Variants in EPHA7 observed in about 807,000 individuals in gnomAD.
EPHA7 encodes the protein EPH receptor A7.
In EPHA7, 25 loss-of-function variants were observed where a neutral mutation model predicts 112.6. The observed-to-expected ratio is 0.22, with a 90% confidence interval of 0.16 to 0.31. The LOEUF (loss-of-function observed/expected upper bound fraction) is 0.31, where lower values mean the gene tolerates loss of function less well. Ranked by LOEUF, EPHA7 falls within the 10% of genes least tolerant of loss-of-function variation. The pLI is 1.00. For synonymous variants in EPHA7, 437 were observed against 406.5 expected, an observed-to-expected ratio of 1.07 and a Z score of -0.90; for missense variants, 962 against 1,212.6, an observed-to-expected ratio of 0.79 and a Z score of 3.07.
chr6:93,394,674 T>C (rs913467356), intron 3 of EPHA7, among the ~76,000 whole-genome samples: 2 of 151,814 alleles, frequency 1.3e-5, no homozygotes, highest in Non-Finnish European at 2.9e-5. Context: ...TAAACAAGAC[T>C]GATGAGGTGA....
At position 93,331,796 on chromosome 6, in the gene EPHA7, T is replaced by A. The variant is rs192191140; in HGVS notation, c.1324+24921A>T. Among the ~76,000 whole-genome samples the A allele has an allele frequency of 2.6e-5, 4 of 151,708 alleles. No individual in the cohort carries two copies. In the Admixed American group the frequency reaches 2.6e-4, roughly 10 times the overall value. ...AATTAATTATTTCTTCAAAGATACG[T>A]ACTTTCTATTTTTCAGCTACTATTG... On this transcript the variant is annotated intron_variant, in intron 5 of 16. Coordinates refer to ENST00000369303, the MANE Select transcript of EPHA7 (RefSeq NM_004440.4).
chr6:93,405,017 T>A (rs1778626267), intron 3 of EPHA7, among the ~76,000 whole-genome samples: 1 of 151,900 alleles, frequency 6.6e-6, no homozygotes, highest in African/African-American at 2.4e-5. Flanking sequence ...TTATATAAGC[T>A]ACCTGGTTAC....
At chr6:93,302,968 C>G (rs550637597) in intron 5 of EPHA7, among the ~76,000 whole-genome samples, 25 of 152,144 alleles carry the variant, frequency 1.6e-4, no homozygotes, top group African/African-American at 5.8e-4. Flanking sequence ...GATAAGGTAG[C>G]CTGGGAAACA....
At chr6:93,333,129 T>C (rs1194936670) in intron 5 of EPHA7, among the ~76,000 whole-genome samples, 1 of 151,852 alleles carries the variant, frequency 6.6e-6, no homozygotes, top group Non-Finnish European at 1.5e-5. Flanking sequence ...AGTGAGAACA[T>C]GTACCATTTG....
intron 5 of EPHA7, among the ~76,000 whole-genome samples, chr6:93,304,766 C>T (rs1231330163): frequency 1.3e-5 from 2 of 152,070 alleles, no homozygotes; most frequent in African/African-American, 4.8e-5. Flanking sequence ...ACTGCCTACT[C>T]TCTTTCTCTT....
intron 5 of EPHA7, among the ~76,000 whole-genome samples, chr6:93,343,074 T>C (rs1477916636): frequency 6.6e-6 from 1 of 151,746 alleles, no homozygotes; most frequent in Non-Finnish European, 1.5e-5. Flanking sequence ...ATAATACTGA[T>C]CTACAACAGT....
chr6:93,390,346 A>T (rs530858880), intron 3 of EPHA7, among the ~76,000 whole-genome samples: 2 of 152,026 alleles, frequency 1.3e-5, no homozygotes, highest in African/African-American at 4.8e-5. Context: ...GAAAAAAATC[A>T]GCCATAAAAA....
chr6:93,326,184 G>C (rs897398429), intron 5 of EPHA7, among the ~76,000 whole-genome samples: 2 of 151,352 alleles, frequency 1.3e-5, no homozygotes, highest in East Asian at 1.9e-4. Context: ...ATTAAAATCT[G>C]TCTCTCCCTA....
At chr6:93,397,936 CATATA>C (rs776622223) in intron 3 of EPHA7, among the ~76,000 whole-genome samples, 36 of 151,992 alleles carry the variant, frequency 2.4e-4, no homozygotes, top group South Asian at 1.0e-3. Flanking sequence ...CAGCTTGTAA[CATATA>C]AGCTTAAATG....
In EPHA7 at chr6:93,358,352, T is replaced by G. The variant is rs776903613; in HGVS notation, c.892A>C (p.Thr298Pro). The part of the protein sequence containing the change: ...SQDLQCSRCP[T>P]HSFSDKEGSS... ...CCTTCTTTATCAGAAAAACTGTGAG[T>G]TGGACAACGAGAGCACTGAAGATCT... Residue 298 changes from threonine to proline, a missense_variant, in exon 4 of 17, where the codon ACT (threonine) becomes CCT (proline). By Grantham distance (38) the Thr-to-Pro change is conservative. Coordinates refer to ENST00000369303, the MANE Select transcript of EPHA7 (RefSeq NM_004440.4). 2 of 1,613,052 alleles carry G rather than the reference T, an allele frequency of 1.2e-6. No homozygotes were observed. Among genetic ancestry groups the G allele is most frequent in the Non-Finnish European group, 1.7e-6 (2 of 1,179,532 alleles).
At chr6:93,379,626 T>G (rs1777235686) in intron 3 of EPHA7, among the ~76,000 whole-genome samples, 2 of 152,098 alleles carry the variant, frequency 1.3e-5, no homozygotes, top group South Asian at 4.1e-4. Flanking sequence ...ATACGGCCAG[T>G]GATTATACAA....
intron 5 of EPHA7, among the ~76,000 whole-genome samples, chr6:93,325,442 T>C (rs1216891311): frequency 1.3e-5 from 2 of 151,248 alleles, no homozygotes; most frequent in Admixed American, 6.6e-5. Flanking sequence ...AAAATAAATA[T>C]CTTCTATGAT....
At chr6:93,319,456 A>G (rs1274776295) in intron 5 of EPHA7, among the ~76,000 whole-genome samples, 2 of 152,114 alleles carry the variant, frequency 1.3e-5, no homozygotes, top group Non-Finnish European at 2.9e-5. Flanking sequence ...CCTGGAATAC[A>G]TGAATGAGGG....
chr6:93,263,022 G>A (rs1284894578), intron 9 of EPHA7, among the ~76,000 whole-genome samples: 1 of 151,264 alleles, frequency 6.6e-6, no homozygotes, highest in Non-Finnish European at 1.5e-5. Context: ...ATCTACACAT[G>A]AGAACATTTG....
intron 13 of EPHA7, 31 bp downstream of exon 13, chr6:93,255,797 T>C (rs890597072): frequency 6.4e-7 from 1 of 1,559,290 alleles, no homozygotes; most frequent in Non-Finnish European, 8.8e-7. Context: ...CTTAAGAATA[T>C]GAAGAAGTGC....
intron 14 of EPHA7, among the ~76,000 whole-genome samples, chr6:93,252,161 AC>A (rs755768215): frequency 9.2e-5 from 14 of 151,958 alleles, no homozygotes; most frequent in Non-Finnish European, 1.8e-4. Flanking sequence ...TCTTCAGGTT[AC>A]AAAAACCTCA....
At chr6:93,357,276 C>G (rs753686475) in intron 4 of EPHA7, among the ~76,000 whole-genome samples, 7 of 152,036 alleles carry the variant, frequency 4.6e-5, no homozygotes, top group African/African-American at 1.7e-4. Flanking sequence ...TATTTATTTT[C>G]CTTTTAATAC....
chr6:93,349,517 T>C (rs1220098358), intron 5 of EPHA7, among the ~76,000 whole-genome samples: 2 of 151,914 alleles, frequency 1.3e-5, no homozygotes, highest in African/African-American at 2.4e-5. Flanking sequence ...TACATATGAA[T>C]GTATGTTTTA....
intron 14 of EPHA7, among the ~76,000 whole-genome samples, chr6:93,252,690 T>A (rs1770268477): frequency 6.6e-6 from 1 of 151,996 alleles, no homozygotes; most frequent in African/African-American, 2.4e-5. Context: ...ATGAATATTA[T>A]CTAATAAGAA....
Sources: gnomAD v4.1 joint callset for allele counts (sites outside exome capture counted in the v4.1 genomes callset) on GRCh38, gnomAD v4.1.1 for gene constraint, MANE v1.5 for transcripts, NCBI Gene and HGNC (gene_info 2026-07-23, HGNC 2026-07-21) for gene names.